SPG7: variants seen among roughly 807,000 people sequenced by gnomAD.
The protein encoded by SPG7 is SPG7 matrix AAA peptidase subunit, paraplegin.
In SPG7, 103 loss-of-function variants were observed where a neutral mutation model predicts 81.9. The observed-to-expected ratio is 1.26, with a 90% CI of 1.07 to 1.48. The LOEUF is 1.48. Ranked by LOEUF, SPG7 falls within the 40% of genes most tolerant of loss-of-function variation. The probability of loss-of-function intolerance (pLI) is 0.00; values close to 1 mark genes in which losing one functional copy is unlikely to be tolerated. For missense variants in SPG7, 1,241 were observed against 1,087.3 expected (o/e 1.14, Z -1.99); for synonymous variants, 534 against 444.2 (o/e 1.20, Z -2.54).
chr16:89,555,032 C>T (rs1218536951), intron 16 of SPG7: 1 of 183,490 alleles, frequency 5.4e-6, no homozygotes, highest in African/African-American at 2.4e-5. Context: ...TCTCCTGCCT[C>T]AGCCTCCCGA....
Position 89,532,559 on chromosome 16 carries a change from A to G in SPG7, c.1247A>G (p.Lys416Arg), listed in dbSNP as rs1025013854. 13 of 1,613,686 alleles carry G rather than the reference A, an allele frequency of 8.1e-6. No individual in the cohort carries two copies. Among genetic ancestry groups the G allele is most frequent in the Non-Finnish European group, 1.1e-5 (13 of 1,180,038 alleles). ...YIDEIDAVGK[K>R]RSTTMSGFSN... ...GATGAGATCGACGCGGTGGGCAAGAAGCGCTCCACCACCATGTCCGGCTTC... is the reference window on the plus strand; with the variant it reads ...GATGAGATCGACGCGGTGGGCAAGAGGCGCTCCACCACCATGTCCGGCTTC... The change falls in exon 9 of 17, where the codon AAG becomes AGG. Residue 416 changes from lysine (K) to arginine (R), a missense_variant. Lys to Arg is a conservative substitution (Grantham distance 26). Coordinates refer to ENST00000645818, the MANE Select transcript of SPG7 (RefSeq NM_003119.4).
rs141659620 is a variant in SPG7 at position 89,531,961 on chromosome 16, G to A, written c.1045G>A (p.Gly349Ser). The A allele has an allele frequency of 1.6e-3, 2,564 of 1,613,926 alleles. 3 individuals are homozygous for A. The highest frequency in any genetic ancestry group is 2.0e-3 in the Non-Finnish European group (2,408 of 1,179,834). The change falls in exon 8 of 17, where the codon GGC becomes AGC. Residue 349 changes from glycine to serine, a missense_variant. Coordinates refer to ENST00000645818, the MANE Select transcript of SPG7 (RefSeq NM_003119.4). The stretch of plus-strand genomic sequence containing the variant: ...GGTCCCAAAGGGCGCACTGCTGCTC[G>A]GCCCCCCCGGCTGTGGGAAGACGCT... ...AKVPKGALLLGPPGCGKTLLA... is the reference protein window; with the variant it reads ...AKVPKGALLLSPPGCGKTLLA...
In SPG7 at chr16:89,514,922, G is replaced by A. The variant is rs186343062; in HGVS notation, c.376+1885G>A. ...TGAGATTACAGGTGTGAACCACCGT[G>A]CCTGGCCTTGACCTTTTTTTTTTTT... On this transcript the variant is annotated intron_variant, in intron 3 of 16. Coordinates refer to ENST00000645818, the MANE Select transcript of SPG7 (RefSeq NM_003119.4). 2.4e-4 allele frequency among the ~76,000 whole-genome samples: 35 copies of A among 148,450 alleles called. No individual in the cohort carries two copies. In the East Asian group the frequency reaches 6.3e-3, roughly 27 times the overall value.
rs1567926386 is a variant in SPG7, at chr16:89,544,743, C to T, written c.1420C>T (p.His474Tyr). 4.3e-6 allele frequency: 7 copies of T among 1,614,128 alleles called. No individual in the cohort carries two copies. Among genetic ancestry groups the T allele is most frequent in the Non-Finnish European group, 5.9e-6 (7 of 1,180,004 alleles). ...ALMRPGRLDR[H>Y]VFIDLPTLQE... ...GATGAGGCCAGGCCGACTGGACCGGCACGTCTTCATTGATCTCCCCACGCT... is the reference window on the plus strand; with the variant it reads ...GATGAGGCCAGGCCGACTGGACCGGTACGTCTTCATTGATCTCCCCACGCT... Residue 474 changes from histidine to tyrosine, a missense_variant, in exon 10 of 17, where the codon CAC (histidine) becomes TAC (tyrosine). Transcript: ENST00000645818.
chr16:89,523,000 G>A (rs8060502), intron 3 of SPG7: 86,018 of 152,958 alleles, frequency 0.56, 25,727 homozygotes, highest in Middle Eastern at 0.81. Context: ...GCCTTGAGTC[G>A]GTCTCTTGCT....
At chr16:89,518,617 C>T (rs1481644083) in intron 3 of SPG7, 1 of 151,904 alleles carries the variant, frequency 6.6e-6, no homozygotes, top group African/African-American at 2.4e-5. Context: ...AAAAAGGCCC[C>T]GCTCACTGAT....
chr16:89,556,937 G>A lies in SPG7; in HGVS notation c.2232G>A (p.Glu744=), dbSNP rs1459461726. 3 of 1,613,996 alleles carry A rather than the reference G, an allele frequency of 1.9e-6. No homozygotes were observed. Among genetic ancestry groups the A allele is most frequent in the East Asian group, 2.2e-5 (1 of 44,892 alleles). The part of the protein sequence containing the change: ...EKEVINYEDI[E]ALIGPPPHGP... ...AAGTGATAAACTATGAGGACATTGA[G>A]GCTCTCATTGGCCCGCCGCCCCATG... Residue 744 remains glutamate (E), a synonymous_variant, in exon 17 of 17, where the codon GAG becomes GAA. Coordinates refer to ENST00000645818, the MANE Select transcript of SPG7 (RefSeq NM_003119.4).
At chr16:89,531,559 A>G (rs1283859297) in intron 7 of SPG7, 1 of 340,780 alleles carries the variant, frequency 2.9e-6, no homozygotes, top group South Asian at 2.5e-5. Context: ...TTTTTAGTAG[A>G]GACGGGGTTT....
chr16:89,510,494 T>C lies in SPG7; in HGVS notation c.188T>C (p.Leu63Ser). The C allele has an allele frequency of 6.4e-7, 1 of 1,561,084 alleles. No individual in the cohort carries two copies. ...AEAGGRALQS[L>S]QLRLLTPTFE... ...TTGTTTTTTTTTTTTTTTCAGAGCT[T>C]ACAATTGAGACTGCTAACCCCTACC... The change falls in exon 2 of 17, where the codon TTA becomes TCA. Residue 63 changes from leucine to serine, a missense_variant. Physicochemically the swap from Leu to Ser is moderately radical, Grantham distance 145. Coordinates refer to ENST00000645818, the MANE Select transcript of SPG7 (RefSeq NM_003119.4).
At chr16:89,546,619 G>T (rs918444024) in intron 10 of SPG7, 39 bp from the exon 11 acceptor site, 8 of 1,448,060 alleles carry the variant, frequency 5.5e-6, no homozygotes, top group East Asian at 2.3e-5. Flanking sequence ...CAGTAACTAG[G>T]CTTGAGCCCG....
At chr16:89,556,555 A>T (rs2058689005) in intron 16 of SPG7, 3 of 393,546 alleles carry the variant, frequency 7.6e-6, no homozygotes, top group African/African-American at 2.1e-5. Flanking sequence ...GCTCTCCTCA[A>T]TCAGGAGGGT....
upstream of SPG7, chr16:89,508,392 C>G (rs1361212235): frequency 1.4e-6 from 2 of 1,462,232 alleles, no homozygotes; most frequent in Non-Finnish European, 9.0e-7. Context: ...CCCCGCGGAT[C>G]ACGCAGGCGC....
rs2058699823 is a variant in SPG7, at chr16:89,557,504, G to A, written c.*411G>A. ...TGTGGCTCCCTCGGAATGCTAAGGGGATCGGACATGAAAGGACCCTGTGAG... is the reference window on the plus strand; with the variant it reads ...TGTGGCTCCCTCGGAATGCTAAGGGAATCGGACATGAAAGGACCCTGTGAG... On this transcript the variant is annotated 3_prime_UTR_variant, in exon 17 of 17. Coordinates refer to ENST00000645818, the MANE Select transcript of SPG7 (RefSeq NM_003119.4). The A allele has an allele frequency of 3.8e-6, 1 of 260,998 alleles. No individual in the cohort carries two copies. The highest frequency in any genetic ancestry group is 7.6e-6 in the Non-Finnish European group (1 of 131,888). 16.2% of individuals were successfully genotyped at this position (260,998 alleles called of 1,614,324 possible). A position where few individuals can be genotyped will look rare whatever the true frequency, so the allele number is the denominator to read the frequency against.
At position 89,508,606 on chromosome 16, in the gene SPG7, TC is replaced by T; in HGVS notation, c.183+10del. 1 of 1,455,926 alleles carries T rather than the reference TC, an allele frequency of 6.9e-7. No individual in the cohort carries two copies. The allele number at this position is 1,455,926 out of a possible 1,614,324, so 90.2% of individuals were successfully genotyped here. A position where few individuals can be genotyped will look rare whatever the true frequency, so the allele number is the denominator to read the frequency against. Reference sequence around the variant, plus strand: ...CTGGAGGCCGAGCTCTGCAGGTAAATCCCCGCGGAGTCCGGGCCCCACCTCC... The same window carrying T: ...CTGGAGGCCGAGCTCTGCAGGTAAATCCCGCGGAGTCCGGGCCCCACCTCC... On this transcript the variant is annotated splice_region_variant and intron_variant, in intron 1 of 16. Transcript: ENST00000645818.
intron 9 of SPG7, chr16:89,536,654 GCAGGCGAGGCGGGTGAGAT>G (rs1597642592): frequency 7.5e-7 from 1 of 1,326,692 alleles, no homozygotes; most frequent in Non-Finnish European, 1.1e-6. Flanking sequence ...GGTGGGCGAG[GCAGGCGAGGCGGGTGAGAT>G]CGGGCGAGGC....
intron 9 of SPG7, chr16:89,536,723 A>C: frequency 6.2e-7 from 1 of 1,611,866 alleles, no homozygotes; most frequent in South Asian, 1.1e-5. Context: ...GTGGACACCA[A>C]GGTCTTCGTC....
intron 8 of SPG7, 31 bp downstream of exon 8, chr16:89,532,097 G>C (rs754020844): frequency 1.1e-5 from 17 of 1,607,210 alleles, no homozygotes; most frequent in Non-Finnish European, 1.4e-5. Flanking sequence ...CTGTGGGTGG[G>C]CTTGGCTGAC....
chr16:89,508,916 C>T (rs752838617), intron 1 of SPG7: 4 of 562,102 alleles, frequency 7.1e-6, no homozygotes, highest in South Asian at 4.6e-5. Context: ...GTAACGGTTT[C>T]CGGCGTAGCA....
rs1436737423 is a variant in SPG7 at position 89,524,954 on chromosome 16, T to A, written c.618+707T>A. ...AGAATGCTTTTTCCTTTTCTTTTGC[T>A]TTTTTTTTTTTTTTTTGGAGACAGA... is the stretch of plus-strand genomic sequence containing the variant. On this transcript the variant is annotated intron_variant, in intron 4 of 16. Coordinates refer to ENST00000645818, the MANE Select transcript of SPG7 (RefSeq NM_003119.4). 7.5e-5 allele frequency among the ~76,000 whole-genome samples: 4 copies of A among 52,994 alleles called. No homozygotes were observed. The Admixed American group carries it at 7.7e-4, about 10-fold the overall frequency. 34.8% of individuals were successfully genotyped at this position (52,994 alleles called of 152,430 possible). A position where few individuals can be genotyped will look rare whatever the true frequency, so the allele number is the denominator to read the frequency against.
Sources: allele counts gnomAD v4.1 joint callset (sites outside exome capture counted in the v4.1 genomes callset), GRCh38; gene constraint gnomAD v4.1.1; transcripts MANE v1.5; gene names NCBI Gene and HGNC (gene_info 2026-07-23, HGNC 2026-07-21).